The following MRPS25 variants were observed in gnomAD, a reference collection of about 807,000 sequenced individuals.
MRPS25 encodes the protein mitochondrial ribosomal protein S25, also known as small ribosomal subunit protein mS25.
Under a neutral mutation model 17.3 loss-of-function variants are expected in MRPS25, and 15 were observed. That is an observed-to-expected ratio of 0.87 (90% CI 0.58 to 1.34). MRPS25 has a LOEUF of 1.34. Among genes scored for constraint, MRPS25 ranks in the 40% most tolerant of loss-of-function variants. The pLI is 0.00. For missense variants in MRPS25, 225 were observed against 218.6 expected (o/e 1.03, Z -0.19); for synonymous variants, 94 against 83.3 (o/e 1.13, Z -0.70).
chr3:15,046,141 C>T (rs2042441289), downstream of MRPS25: 1 of 152,174 alleles, frequency 6.6e-6, no homozygotes. Flanking sequence ...TTTCTGTGTC[C>T]TGAGGAGTTA....
Position 15,052,350 on chromosome 3 carries a change from A to G in MRPS25, c.*91T>C. The stretch of plus-strand genomic sequence containing the variant: ...AAGGATTTCCAGAGTCTCCAGGGAC[A>G]GAACCAGGGGCTTCCCTGGGCCAAA... On this transcript the variant is annotated 3_prime_UTR_variant, in exon 4 of 4. Coordinates refer to ENST00000253686, the MANE Select transcript of MRPS25 (RefSeq NM_022497.5). 1 of 1,521,160 alleles carries G rather than the reference A, an allele frequency of 6.6e-7. No homozygotes were observed. The highest frequency in any genetic ancestry group is 8.8e-7 in the Non-Finnish European group (1 of 1,135,376). 94.2% of individuals were successfully genotyped at this position (1,521,160 alleles called of 1,614,324 possible).
chr3:15,045,687 ATTAC>A (rs2042425484), downstream of MRPS25: 1 of 152,690 alleles, frequency 6.5e-6, no homozygotes, highest in African/African-American at 2.4e-5. Flanking sequence ...AAAGTCAAGA[ATTAC>A]TTAAAGAGAT....
Position 15,049,102 on chromosome 3 carries a change from G to C in MRPS25, c.*3339C>G, listed in dbSNP as rs555518307. On this transcript the variant is annotated 3_prime_UTR_variant, in exon 4 of 4. Transcript: ENST00000253686. ...AAACTGAATTTTATATCTAATCAAT[G>C]TCTTCAGTCTTGAAGAAGAATTTGC... The C allele has an allele frequency of 2.6e-5, 4 of 152,702 alleles. No individual in the cohort carries two copies. In the South Asian group the frequency reaches 8.3e-4, roughly 32 times the overall value. 9.5% of individuals were successfully genotyped at this position (152,702 alleles called of 1,614,324 possible). A position where few individuals can be genotyped will look rare whatever the true frequency, so the allele number is the denominator to read the frequency against.
intron 2 of MRPS25, among the ~76,000 whole-genome samples, chr3:15,055,860 T>C (rs2042664318): frequency 6.8e-6 from 1 of 147,380 alleles, no homozygotes. Flanking sequence ...ACAAAGGAAA[T>C]GCACCCAGAA....
At position 15,056,448 on chromosome 3, in the gene MRPS25, G is replaced by A. The variant is rs151075304; in HGVS notation, c.241+2921C>T. Among the ~76,000 whole-genome samples the A allele has an allele frequency of 1.7e-4, 26 of 152,262 alleles. 1 individual carries two copies. In the East Asian group the frequency reaches 4.8e-3, roughly 28 times the overall value. On this transcript the variant is annotated intron_variant, in intron 2 of 3. Coordinates refer to ENST00000253686, the MANE Select transcript of MRPS25 (RefSeq NM_022497.5). ...AAAAGGGACTCTGCAGATGTGATTC[G>A]AGTTAAGGGCCTTGAGTTGGGGAGA... is the stretch of plus-strand genomic sequence containing the variant.
At position 15,052,111 on chromosome 3, in the gene MRPS25, A is replaced by C. The variant is rs1211353100; in HGVS notation, c.*330T>G. On this transcript the variant is annotated 3_prime_UTR_variant, in exon 4 of 4. Transcript: ENST00000253686. ...AGACCAGTAAAGGGTCGCAGGACCA[A>C]AACAGGTGTCAACAGGCTGTGGCCT... 1.9e-6 allele frequency: 2 copies of C among 1,064,404 alleles called. No homozygotes were observed. Among genetic ancestry groups the C allele is most frequent in the African/African-American group, 3.3e-5 (2 of 60,280 alleles). The allele number at this position is 1,064,404 out of a possible 1,614,324, so 65.9% of individuals were successfully genotyped here.
Position 15,051,394 on chromosome 3 carries a change from G to C in MRPS25, c.*1047C>G, listed in dbSNP as rs953731645. 1.5e-6 allele frequency: 1 copy of C among 675,756 alleles called. No individual in the cohort carries two copies. The highest frequency in any genetic ancestry group is 2.0e-5 in the African/African-American group (1 of 51,136). 41.9% of individuals were successfully genotyped at this position (675,756 alleles called of 1,614,324 possible). ...AGACAAGGTCTTGCCATGTTGCCCAGGCTGGTCTCGAACTCCTGGGCTCAA... is the reference window on the plus strand; with the variant it reads ...AGACAAGGTCTTGCCATGTTGCCCACGCTGGTCTCGAACTCCTGGGCTCAA... On this transcript the variant is annotated 3_prime_UTR_variant, in exon 4 of 4. Coordinates refer to ENST00000253686, the MANE Select transcript of MRPS25 (RefSeq NM_022497.5).
chr3:15,059,488 A>T lies in MRPS25; in HGVS notation c.135-13T>A. On this transcript the variant is annotated splice_polypyrimidine_tract_variant and intron_variant, in intron 1 of 3. Coordinates refer to ENST00000253686, the MANE Select transcript of MRPS25 (RefSeq NM_022497.5). Reference sequence around the variant, plus strand: ...AAACACAAACTTCCTGCAAAAGGGAAGAAATGAAGCCTATGAAACAGAGTT... The same window carrying T: ...AAACACAAACTTCCTGCAAAAGGGATGAAATGAAGCCTATGAAACAGAGTT... The T allele has an allele frequency of 1.9e-6, 3 of 1,567,302 alleles. No individual in the cohort carries two copies. Among genetic ancestry groups the T allele is most frequent in the Non-Finnish European group, 2.6e-6 (3 of 1,139,612 alleles).
At chr3:15,059,302 A>T in intron 2 of MRPS25, 67 bp downstream of exon 2, 1 of 1,097,978 alleles carries the variant, frequency 9.1e-7, no homozygotes, top group Non-Finnish European at 1.4e-6. Context: ...ACGCTCCCAT[A>T]GGAAGGACGC....
At chr3:15,061,296 G>A (rs919847777) in intron 1 of MRPS25, among the ~76,000 whole-genome samples, 2 of 152,060 alleles carry the variant, frequency 1.3e-5, no homozygotes, top group Non-Finnish European at 2.9e-5. Flanking sequence ...CTGCCATCTC[G>A]GCTCACTGCA....
intron 1 of MRPS25, among the ~76,000 whole-genome samples, chr3:15,061,897 C>T (rs1331645831): frequency 7.3e-5 from 11 of 150,544 alleles, no homozygotes; most frequent in Admixed American, 1.3e-4. Flanking sequence ...ACCCTCCGCC[C>T]GGCAGCCGCC....
chr3:15,064,581 TTCTC>T (rs1372744261), intron 1 of MRPS25, among the ~76,000 whole-genome samples: 1 of 152,198 alleles, frequency 6.6e-6, no homozygotes, highest in African/African-American at 2.4e-5. Context: ...AAGCTGGGGT[TTCTC>T]TAGGCATCAG....
chr3:15,055,169 G>A (rs763909552), intron 2 of MRPS25, among the ~76,000 whole-genome samples: 7 of 152,258 alleles, frequency 4.6e-5, no homozygotes, highest in East Asian at 1.9e-4. Flanking sequence ...GTACCAAAGC[G>A]GATGGTGCTA....
In MRPS25 at chr3:15,052,280, C is replaced by G. The variant is rs1438526667; in HGVS notation, c.*161G>C. The G allele has an allele frequency of 1.1e-5, 15 of 1,396,836 alleles. No homozygotes were observed. The highest frequency in any genetic ancestry group is 1.3e-5 in the Non-Finnish European group (14 of 1,077,296). The allele number at this position is 1,396,836 out of a possible 1,614,324, so 86.5% of individuals were successfully genotyped here. A position where few individuals can be genotyped will look rare whatever the true frequency, so the allele number is the denominator to read the frequency against. Reference sequence around the variant, plus strand: ...TAGCAGCTCAGCTTCAGACCCTCCTCTCCCACATCCTTTTACACAGGTGTG... The same window carrying G: ...TAGCAGCTCAGCTTCAGACCCTCCTGTCCCACATCCTTTTACACAGGTGTG... On this transcript the variant is annotated 3_prime_UTR_variant, in exon 4 of 4. Coordinates refer to ENST00000253686, the MANE Select transcript of MRPS25 (RefSeq NM_022497.5).
chr3:15,043,657 T>C (rs1277450447), downstream of MRPS25: 1 of 152,584 alleles, frequency 6.6e-6, no homozygotes, highest in Non-Finnish European at 1.5e-5. Flanking sequence ...ATTTGCATCA[T>C]GCAGTAAGTG....
At position 15,051,843 on chromosome 3, in the gene MRPS25, A is replaced by AAGG. The variant is rs1311187044; in HGVS notation, c.*597_*598insCCT. On this transcript the variant is annotated 3_prime_UTR_variant, in exon 4 of 4. Transcript: ENST00000253686. The stretch of plus-strand genomic sequence containing the variant: ...CGTGCCTGAGTGAGGCTGGCCTGTC[A>AAGG]GCCACTGGGGCTCCTCCATCTCTGG... The AAGG allele has an allele frequency of 6.1e-6, 6 of 985,336 alleles. No homozygotes were observed. The African/African-American group carries it at 1.0e-4, about 17-fold the overall frequency. The allele number at this position is 985,336 out of a possible 1,614,324, so 61.0% of individuals were successfully genotyped here.
chr3:15,065,036 C>T, intron 1 of MRPS25, 25 bp downstream of exon 1: 1 of 1,557,954 alleles, frequency 6.4e-7, no homozygotes, highest in African/African-American at 1.4e-5. Flanking sequence ...TTACGGCTCG[C>T]CAGGCGGCCG....
Position 15,065,259 on chromosome 3 carries a change from C to A in MRPS25, c.-65G>T. 6.7e-7 allele frequency: 1 copy of A among 1,482,894 alleles called. No individual in the cohort carries two copies. Among genetic ancestry groups the A allele is most frequent in the Non-Finnish European group, 9.0e-7 (1 of 1,114,964 alleles). 91.9% of individuals were successfully genotyped at this position (1,482,894 alleles called of 1,614,324 possible). ...CCGAGCAGCGACGAGAAAGGACTAG[C>A]TAGCACCCGCGCGGATCTCACGCGG... On this transcript the variant is annotated 5_prime_UTR_variant, in exon 1 of 4. Coordinates refer to ENST00000253686, the MANE Select transcript of MRPS25 (RefSeq NM_022497.5).
At chr3:15,045,298 G>A (rs2042410429), downstream of MRPS25, 1 of 152,470 alleles carries the variant, frequency 6.6e-6, no homozygotes, top group African/African-American at 2.4e-5. Context: ...TTGGTGAAAA[G>A]GTCTCCACCA....
Sources: allele counts gnomAD v4.1 joint callset (sites outside exome capture counted in the v4.1 genomes callset), GRCh38; gene constraint gnomAD v4.1.1; transcripts MANE v1.5; gene names NCBI Gene and HGNC (gene_info 2026-07-23, HGNC 2026-07-21).